Variants in CDC20B observed in about 807,000 individuals in gnomAD.
CDC20B encodes cell division cycle 20B.
In CDC20B, 58 loss-of-function variants were observed where a neutral mutation model predicts 64.1. The ratio of observed to expected loss-of-function variants is 0.90; its 90% CI spans 0.73 to 1.13. CDC20B has a LOEUF of 1.13. CDC20B is among the 50% of genes most tolerant of loss of function. CDC20B has a pLI of 0.00. For synonymous variants in CDC20B, 243 were observed against 230.6 expected, an observed-to-expected ratio of 1.05 and a Z score of -0.49; for missense variants, 597 against 633.0, an observed-to-expected ratio of 0.94 and a Z score of 0.61.
chr5:55,114,298 G>A lies in CDC20B; in HGVS notation c.1480C>T (p.His494Tyr). 1.2e-6 allele frequency: 2 copies of A among 1,613,908 alleles called. No homozygotes were observed. Among genetic ancestry groups the A allele is most frequent in the South Asian group, 2.2e-5 (2 of 91,064 alleles). The change falls in exon 12 of 12, where the codon CAC (histidine) becomes TAC (tyrosine). Residue 494 changes from histidine to tyrosine, a missense_variant. His to Tyr is a moderately conservative substitution (Grantham distance 83). Transcript: ENST00000381375. The surrounding 1 kb of genome is among the most constrained non-coding windows in gnomAD (Gnocchi z 4.1). ...GTCTGGTCTGGACTCAAAGACAGGTGCAGCACTCTGCCCCTGTGGCCTGGG... is the reference window on the plus strand; with the variant it reads ...GTCTGGTCTGGACTCAAAGACAGGTACAGCACTCTGCCCCTGTGGCCTGGG... ...GFFGHRGRVLHLSLSPDQTRV... is the reference protein window; with the variant it reads ...GFFGHRGRVLYLSLSPDQTRV...
chr5:55,128,509 A>C lies in CDC20B; in HGVS notation c.806T>G (p.Leu269Ter), dbSNP rs529136787. The C allele has an allele frequency of 1.2e-6, 2 of 1,612,410 alleles. No homozygotes were observed. The highest frequency in any genetic ancestry group is 1.3e-5 in the African/African-American group (1 of 74,918). Residue 269 changes from leucine (L) to a stop codon, truncating the protein, a stop_gained, in exon 7 of 12, where the codon TTA becomes TGA. Coordinates refer to ENST00000381375, the MANE Select transcript of CDC20B (RefSeq NM_001170402.1). LOFTEE classifies it high-confidence loss of function. ...AGAGATATAGTTACAAGTGAGACTT[A>C]AGTCTATGTTTTCAATCCCATTGTG... ...ENHNGIENID[L>*]SLTCNYISSV... is the part of the protein sequence containing the mutation.
At chr5:55,123,307 C>T (rs1429702451) in intron 9 of CDC20B, among the ~76,000 whole-genome samples, 2 of 152,172 alleles carry the variant, frequency 1.3e-5, no homozygotes, top group African/African-American at 4.8e-5. Context: ...TCACAGAACA[C>T]AAAATTTTGC....
At chr5:55,134,822 T>C (rs1743120492) in intron 5 of CDC20B, among the ~76,000 whole-genome samples, 1 of 152,198 alleles carries the variant, frequency 6.6e-6, no homozygotes, top group Admixed American at 6.5e-5. Context: ...AAATATTGTA[T>C]GATTCCAACT....
chr5:55,164,211 A>T, intron 2 of CDC20B: 1 of 1,536,920 alleles, frequency 6.5e-7, no homozygotes, highest in Non-Finnish European at 8.8e-7. Context: ...AAGAAAGAGG[A>T]TCTATGAGAA....
chr5:55,161,060 G>T, intron 2 of CDC20B: 1 of 1,614,152 alleles, frequency 6.2e-7, no homozygotes, highest in Admixed American at 1.7e-5. Context: ...AGGGCTGAAG[G>T]AACTGCACAA....
intron 3 of CDC20B, among the ~76,000 whole-genome samples, chr5:55,143,994 G>GAAA (rs3068520): frequency 7.3e-6 from 1 of 136,970 alleles, no homozygotes. Flanking sequence ...TCTCTGTATG[G>GAAA]AAAAAAAAAA....
chr5:55,171,576 T>A (rs1008497714), intron 2 of CDC20B, among the ~76,000 whole-genome samples: 6 of 152,214 alleles, frequency 3.9e-5, no homozygotes, highest in Non-Finnish European at 2.9e-5. Flanking sequence ...AATTATGTAT[T>A]CAATATAGGA....
Position 55,114,375 on chromosome 5 carries a change from A to G in CDC20B, c.1460-57T>C. ...CTCCACGTTACATGGGCTGCTGCTC[A>G]GGACTGTAGGCAATGTAAGTTGGGG... On this transcript the variant is annotated intron_variant, in intron 11 of 11. Coordinates refer to ENST00000381375, the MANE Select transcript of CDC20B (RefSeq NM_001170402.1). This position sits in a 1 kb window ranked among gnomAD's most constrained non-coding sequence, Gnocchi z 4.1. 1.3e-6 allele frequency: 2 copies of G among 1,579,746 alleles called. No homozygotes were observed. Among genetic ancestry groups the G allele is most frequent in the Non-Finnish European group, 1.7e-6 (2 of 1,162,072 alleles).
intron 7 of CDC20B, among the ~76,000 whole-genome samples, 188 bp from the exon 8 acceptor site, chr5:55,127,539 T>C (rs183774027): frequency 2.0e-5 from 3 of 152,326 alleles, no homozygotes; most frequent in Non-Finnish European, 2.9e-5. Context: ...TATAACACTA[T>C]GGATGCTGAT....
At chr5:55,162,090 CAAAAAAAA>C (rs34286995) in intron 2 of CDC20B, among the ~76,000 whole-genome samples, 6 of 90,732 alleles carry the variant, frequency 6.6e-5, no homozygotes, top group Admixed American at 1.2e-4. Flanking sequence ...CCATATTAGT[CAAAAAAAA>C]AAAAAAAAAA....
At chr5:55,119,971 AT>A in intron 10 of CDC20B, 53 bp from the exon 11 acceptor site, 1 of 1,321,210 alleles carries the variant, frequency 7.6e-7, no homozygotes, top group African/African-American at 1.4e-5. Context: ...TTCCTTATGA[AT>A]ATAGTTAAAC....
At chr5:55,134,294 G>A (rs538964489) in intron 5 of CDC20B, among the ~76,000 whole-genome samples, 1 of 152,226 alleles carries the variant, frequency 6.6e-6, no homozygotes, top group African/African-American at 2.4e-5. Flanking sequence ...AAAAGCATGA[G>A]AGCTTCACAA....
chr5:55,129,476 C>A (rs971722078), intron 6 of CDC20B, among the ~76,000 whole-genome samples: 1 of 152,120 alleles, frequency 6.6e-6, no homozygotes, highest in Non-Finnish European at 1.5e-5. Flanking sequence ...GACAAAAAGG[C>A]CACCATATTT....
At chr5:55,153,240 T>TAAAAAAAAAA (rs1206577177) in intron 2 of CDC20B, among the ~76,000 whole-genome samples, 1 of 87,656 alleles carries the variant, frequency 1.1e-5, no homozygotes, top group African/African-American at 5.2e-5. Context: ...CCTTGTCTCA[T>TAAAAAAAAAA]AAAAAAAAAA....
chr5:55,146,932 A>G (rs1743499257), intron 2 of CDC20B, 76 bp from the exon 3 acceptor site: 3 of 957,944 alleles, frequency 3.1e-6, no homozygotes, highest in African/African-American at 3.2e-5. Context: ...TAAGAGAATT[A>G]CAAATGACTC....
At chr5:55,162,062 G>A (rs1057478617) in intron 2 of CDC20B, among the ~76,000 whole-genome samples, 3 of 140,194 alleles carry the variant, frequency 2.1e-5, no homozygotes, top group Admixed American at 7.8e-5. Flanking sequence ...CTTGCTCTGT[G>A]CCAGACACTG....
chr5:55,170,791 T>C (rs1744573031), intron 2 of CDC20B: 1 of 481,912 alleles, frequency 2.1e-6, no homozygotes, highest in Non-Finnish European at 4.4e-6. Flanking sequence ...ATTTGTAACA[T>C]GAAACATAGT....
At chr5:55,139,718 T>C (rs1437272082) in intron 5 of CDC20B, among the ~76,000 whole-genome samples, 2 of 152,240 alleles carry the variant, frequency 1.3e-5, no homozygotes, top group East Asian at 1.9e-4. Context: ...GAGAAACTGA[T>C]GAAACTGAAT....
At chr5:55,127,386 G>T in intron 7 of CDC20B, 35 bp from the exon 8 acceptor site, 1 of 1,564,860 alleles carries the variant, frequency 6.4e-7, no homozygotes, top group Non-Finnish European at 8.8e-7. Context: ...ATGTAGCATT[G>T]GAGTTTTCAC....
Sources: allele counts gnomAD v4.1 joint callset (sites outside exome capture counted in the v4.1 genomes callset), GRCh38; gene constraint gnomAD v4.1.1; non-coding constraint Gnocchi (gnomAD v3.1); transcripts MANE v1.5; gene names NCBI Gene and HGNC (gene_info 2026-07-23, HGNC 2026-07-21).